The following ANKRD36C variants were observed in gnomAD, a reference collection of about 807,000 sequenced individuals.
The protein encoded by ANKRD36C is ankyrin repeat domain-containing protein 36C.
A neutral mutation model predicts 276.4 loss-of-function variants in ANKRD36C; 61 were observed. The ratio of observed to expected loss-of-function variants is 0.22; its 90% confidence interval spans 0.18 to 0.27. ANKRD36C has a LOEUF of 0.27. Ranked by LOEUF, ANKRD36C falls within the 10% of genes least tolerant of loss-of-function variation. The pLI, the probability that ANKRD36C is intolerant of heterozygous loss-of-function variation, is 1.00. For synonymous variants in ANKRD36C, 483 were observed against 680.1 expected (o/e 0.71, Z 4.51); for missense variants, 1,447 against 2,032.3 (o/e 0.71, Z 5.54).
At chr2:95,885,921 A>C in intron 52 of ANKRD36C, 127 bp downstream of exon 72, 1 of 1,524,934 alleles carries the variant, frequency 6.6e-7, no homozygotes, top group Non-Finnish European at 8.9e-7. Context: ...ACTTATTACA[A>C]ATGAAGAATC....
Position 95,867,677 on chromosome 2 carries a change from G to A in ANKRD36C, c.3541-96C>T. On this transcript the variant is annotated intron_variant, in intron 59 of 66. Coordinates refer to ENST00000456556, the Ensembl canonical transcript of ANKRD36C. ...GGGAATTGCCCATCTGTTTATATGAGCACAAACACAGGTACCTGTTCTGTA... is the reference window on the plus strand; with the variant it reads ...GGGAATTGCCCATCTGTTTATATGAACACAAACACAGGTACCTGTTCTGTA... 2.0e-6 allele frequency: 3 copies of A among 1,533,564 alleles called. No homozygotes were observed. In the South Asian group the frequency reaches 3.7e-5, roughly 19 times the overall value. 95.0% of individuals were successfully genotyped at this position (1,533,564 alleles called of 1,614,324 possible).
At chr2:95,943,548 A>T (rs1210377886) in intron 19 of ANKRD36C, among the ~76,000 whole-genome samples, 1 of 150,792 alleles carries the variant, frequency 6.6e-6, no homozygotes, top group African/African-American at 2.4e-5. Flanking sequence ...AATTTTTATT[A>T]TTTTTTATTA....
intron 36 of ANKRD36C, among the ~76,000 whole-genome samples, 176 bp downstream of exon 38, chr2:95,917,679 C>T (rs1232345675): frequency 6.6e-6 from 1 of 151,558 alleles, no homozygotes; most frequent in Non-Finnish European, 1.5e-5. Context: ...ACGTTCCAAG[C>T]CAGCAGCATT....
At chr2:95,911,447 T>C (rs1676921230) in intron 42 of ANKRD36C, among the ~76,000 whole-genome samples, 1 of 151,498 alleles carries the variant, frequency 6.6e-6, no homozygotes, top group East Asian at 2.0e-4. Flanking sequence ...TGTTATTTTC[T>C]AAAGAAGTTT....
intron 1 of ANKRD36C, among the ~76,000 whole-genome samples, chr2:95,988,256 T>C (rs1293490917): frequency 1.3e-5 from 2 of 152,074 alleles, no homozygotes; most frequent in Non-Finnish European, 2.9e-5. Context: ...TAGGTATGGC[T>C]CATTTTTTTC....
At chr2:95,916,221 T>C (rs1276748015) in intron 36 of ANKRD36C, 50 bp from the exon 39 acceptor site, 1 of 1,599,086 alleles carries the variant, frequency 6.3e-7, no homozygotes, top group Non-Finnish European at 8.5e-7. Flanking sequence ...TATGATAAAG[T>C]TATCCATACA....
At chr2:95,890,990 G>C (rs1390539633) in intron 46 of ANKRD36C, among the ~76,000 whole-genome samples, 2 of 151,382 alleles carry the variant, frequency 1.3e-5, no homozygotes, top group Non-Finnish European at 3.0e-5. Flanking sequence ...ACGTATCTCT[G>C]ATACCTCCTA....
chr2:95,927,478 G>T (rs1269219848), intron 26 of ANKRD36C, 69 bp from the exon 27 acceptor site: 1 of 1,597,100 alleles, frequency 6.3e-7, no homozygotes, highest in Non-Finnish European at 8.5e-7. Flanking sequence ...CATTCATGAA[G>T]TGTTAGCATC....
intron 46 of ANKRD36C, 77 bp from the exon 67 acceptor site, chr2:95,890,071 A>G: frequency 6.5e-7 from 1 of 1,533,904 alleles, no homozygotes; most frequent in Non-Finnish European, 9.0e-7. Context: ...CAGTGTTAGC[A>G]TCAATCTCTG....
chr2:95,864,098 C>T (rs1374423662), intron 60 of ANKRD36C, among the ~76,000 whole-genome samples: 1 of 151,806 alleles, frequency 6.6e-6, no homozygotes, highest in African/African-American at 2.4e-5. Flanking sequence ...ATATCTGAAC[C>T]TCCCTCTCAA....
At chr2:95,911,353 G>C (rs549093442) in intron 42 of ANKRD36C, among the ~76,000 whole-genome samples, 18 of 151,154 alleles carry the variant, frequency 1.2e-4, no homozygotes, top group Non-Finnish European at 2.4e-4. Flanking sequence ...AATCATTCCA[G>C]TATTCATTGA....
intron 24 of ANKRD36C, 113 bp downstream of exon 24, chr2:95,935,341 G>C (rs1367733241): frequency 8.9e-7 from 1 of 1,128,130 alleles, no homozygotes; most frequent in African/African-American, 1.5e-5. Flanking sequence ...GCATCATTTA[G>C]ATCAAATCCT....
intron 59 of ANKRD36C, among the ~76,000 whole-genome samples, chr2:95,875,243 C>A (rs367624984): frequency 1.3e-5 from 2 of 151,918 alleles, no homozygotes. Flanking sequence ...ATGTTTATTG[C>A]GGCACTATTC....
In ANKRD36C at chr2:95,896,022, T is replaced by C. The variant is rs546778412; in HGVS notation, c.2755+3123A>G. On this transcript the variant is annotated intron_variant, in intron 44 of 66. Transcript: ENST00000456556. ...TACTAAAAACATTCATCATGCTCTT[T>C]AACTTGCCCAATAACTGAGAAGGCA... Among the ~76,000 whole-genome samples, 129 of 147,142 alleles carry C rather than the reference T, an allele frequency of 8.8e-4. 1 individual carries two copies. The highest frequency in any genetic ancestry group is 1.7e-3 in the Non-Finnish European group (115 of 66,518).
chr2:95,911,827 C>T (rs1242174142), intron 42 of ANKRD36C, among the ~76,000 whole-genome samples: 2 of 151,408 alleles, frequency 1.3e-5, no homozygotes, highest in South Asian at 4.1e-4. Context: ...TCAGGGGTCT[C>T]CTCAGTTCTC....
At chr2:95,883,785 A>C (rs1676138925) in intron 54 of ANKRD36C, among the ~76,000 whole-genome samples, 1 of 152,024 alleles carries the variant, frequency 6.6e-6, no homozygotes, top group Admixed American at 6.6e-5. Flanking sequence ...TTTATGGGTT[A>C]TTATGATCAC....
intron 65 of ANKRD36C, 47 bp downstream of exon 85, chr2:95,852,079 T>C: frequency 6.4e-7 from 1 of 1,562,392 alleles, no homozygotes; most frequent in East Asian, 2.3e-5. Flanking sequence ...AGTGCTCCTT[T>C]GCTTTATAAA....
intron 22 of ANKRD36C, among the ~76,000 whole-genome samples, chr2:95,938,364 T>C (rs1677775349): frequency 6.6e-6 from 1 of 152,302 alleles, no homozygotes; most frequent in Admixed American, 6.5e-5. Context: ...CACACACACA[T>C]ACACATGCAG....
intron 59 of ANKRD36C, among the ~76,000 whole-genome samples, chr2:95,869,315 G>T (rs1213334906): frequency 1.3e-5 from 2 of 152,072 alleles, no homozygotes; most frequent in South Asian, 4.1e-4. Flanking sequence ...GACTAAACTT[G>T]AATAATTCAT....
Sources: allele counts gnomAD v4.1 joint callset (sites outside exome capture counted in the v4.1 genomes callset), GRCh38; gene constraint gnomAD v4.1.1; transcripts MANE v1.5; gene names NCBI Gene and HGNC (gene_info 2026-07-23, HGNC 2026-07-21).